PPP1R9B: variants seen among roughly 807,000 people sequenced by gnomAD.
The protein encoded by PPP1R9B is protein phosphatase 1 regulatory subunit 9B.
In PPP1R9B, 17 loss-of-function variants were observed where a neutral mutation model predicts 75.8. The ratio of observed to expected loss-of-function variants is 0.22; its 90% CI spans 0.15 to 0.34. PPP1R9B has a LOEUF of 0.34. PPP1R9B is among the 10% of genes least tolerant of loss of function. The pLI is 1.00. For missense variants in PPP1R9B, 875 were observed against 1,196.0 expected (o/e 0.73, Z 3.96); for synonymous variants, 509 against 535.4 (o/e 0.95, Z 0.68).
Position 50,149,209 on chromosome 17 carries a change from C to A in PPP1R9B, c.1305G>T (p.Pro435=). The A allele has an allele frequency of 6.2e-7, 1 of 1,605,186 alleles. No individual in the cohort carries two copies. The highest frequency in any genetic ancestry group is 8.5e-7 in the Non-Finnish European group (1 of 1,176,368). The change falls in exon 1 of 10, where the codon CCG becomes CCT. Residue 435 remains proline (P), a synonymous_variant. Transcript: ENST00000612501. The surrounding 1 kb of genome is among the most constrained non-coding windows in gnomAD (Gnocchi z 7.2). ...YEPESGCVEI[P]GLSEEEDPAP... Reference sequence around the variant, plus strand: ...CTGGGTCCTCCTCCTCCGACAGCCCCGGGATCTCCACGCACCCCGACTCGG... The same window carrying A: ...CTGGGTCCTCCTCCTCCGACAGCCCAGGGATCTCCACGCACCCCGACTCGG...
At position 50,135,453 on chromosome 17, in the gene PPP1R9B, C is replaced by T. The variant is rs369799567; in HGVS notation, c.2401-69G>A. The T allele has an allele frequency of 2.1e-5, 33 of 1,578,888 alleles. No individual in the cohort carries two copies. The East Asian group carries it at 3.1e-4, about 15-fold the overall frequency. ...CATGATCCCAGCCCCTTCCGCCCCC[C>T]GGTGAGGACATGGCATCCCCTCCCT... On this transcript the variant is annotated intron_variant, in intron 9 of 9. Coordinates refer to ENST00000612501, the MANE Select transcript of PPP1R9B (RefSeq NM_032595.5).
rs923727002 is a variant in PPP1R9B, at chr17:50,140,025, G to A, written c.1866+68C>T. On this transcript the variant is annotated intron_variant, in intron 5 of 9. Coordinates refer to ENST00000612501, the MANE Select transcript of PPP1R9B (RefSeq NM_032595.5). ...TAGGGCAGGGGAAGCAGTAGAGGCA[G>A]ATGACTGTAATGCTTCATCTAGCCA... 7 of 1,548,780 alleles carry A rather than the reference G, an allele frequency of 4.5e-6. No homozygotes were observed. In the African/African-American group the frequency reaches 6.8e-5, roughly 15 times the overall value.
At position 50,140,292 on chromosome 17, in the gene PPP1R9B, G is replaced by C. The variant is rs935466962; in HGVS notation, c.1731-64C>G. On this transcript the variant is annotated intron_variant, in intron 4 of 9. Transcript: ENST00000612501. ...AGCCAGGTAATGCATCATCCTCCCTGCTGATGCTCCCCTCTCCAAACTCAG... is the reference window on the plus strand; with the variant it reads ...AGCCAGGTAATGCATCATCCTCCCTCCTGATGCTCCCCTCTCCAAACTCAG... 4 of 1,532,404 alleles carry C rather than the reference G, an allele frequency of 2.6e-6. No homozygotes were observed. The Admixed American group carries it at 6.0e-5, about 23-fold the overall frequency. The allele number at this position is 1,532,404 out of a possible 1,614,324, so 94.9% of individuals were successfully genotyped here. A position where few individuals can be genotyped will look rare whatever the true frequency, so the allele number is the denominator to read the frequency against.
At chr17:50,145,610 G>A (rs1912494284) in intron 1 of PPP1R9B, among the ~76,000 whole-genome samples, 1 of 152,152 alleles carries the variant, frequency 6.6e-6, no homozygotes, top group African/African-American at 2.4e-5. Context: ...GACCCAGAGA[G>A]CCAGACAGGC....
At chr17:50,140,011 A>G (rs1339335065) in intron 5 of PPP1R9B, 82 bp downstream of exon 5, 11 of 1,468,670 alleles carry the variant, frequency 7.5e-6, no homozygotes, top group African/African-American at 1.4e-5. Flanking sequence ...AGGGCAGGGG[A>G]AGCAGTAGAG....
In PPP1R9B at chr17:50,150,456, G is replaced by T; in HGVS notation, c.58C>A (p.Arg20Ser). Residue 20 changes from arginine (R) to serine (S), a missense_variant, in exon 1 of 10, where the codon CGC becomes AGC. Physicochemically the swap from Arg to Ser is moderately radical, Grantham distance 110. Around this residue, in one of 4 missense-constraint regions of PPP1R9B, gnomAD observed 145 missense variants for 226.1 expected, o/e 0.64. Coordinates refer to ENST00000612501, the MANE Select transcript of PPP1R9B (RefSeq NM_032595.5). The surrounding 1 kb of genome is among the most constrained non-coding windows in gnomAD (Gnocchi z 8.7). Reference sequence around the variant, plus strand: ...TGGATGCCCGCCTCGTAGGCGCTGCGGTGCGGGGAGGCGCTCCGGAGGGGA... The same window carrying T: ...TGGATGCCCGCCTCGTAGGCGCTGCTGTGCGGGGAGGCGCTCCGGAGGGGA... The part of the protein sequence containing the change: ...GGPLRSASPH[R>S]SAYEAGIQAL... The T allele has an allele frequency of 1.4e-6, 2 of 1,387,794 alleles. No individual in the cohort carries two copies. Among genetic ancestry groups the T allele is most frequent in the Non-Finnish European group, 1.9e-6 (2 of 1,065,590 alleles). 86.0% of individuals were successfully genotyped at this position (1,387,794 alleles called of 1,614,324 possible).
Position 50,149,693 on chromosome 17 carries a change from G to A in PPP1R9B, c.821C>T (p.Ala274Val). Residue 274 changes from alanine (A) to valine (V), a missense_variant, in exon 1 of 10, where the codon GCA (alanine) becomes GTA (valine). Around this residue, in one of 4 missense-constraint regions of PPP1R9B, gnomAD observed 449 missense variants for 475.0 expected, o/e 0.95. Transcript: ENST00000612501. The surrounding 1 kb of genome is among the most constrained non-coding windows in gnomAD (Gnocchi z 7.2). ...DAPAEKERCP[A>V]GQQPPQHRVA... ...TCGGTGCTGCGGGGGCTGCTGCCCTGCGGGGCATCGCTCTTTCTCGGCCGG... is the reference window on the plus strand; with the variant it reads ...TCGGTGCTGCGGGGGCTGCTGCCCTACGGGGCATCGCTCTTTCTCGGCCGG... The A allele has an allele frequency of 1.4e-6, 2 of 1,428,842 alleles. No individual in the cohort carries two copies. The highest frequency in any genetic ancestry group is 1.5e-5 in the South Asian group (1 of 67,378). 88.5% of individuals were successfully genotyped at this position (1,428,842 alleles called of 1,614,324 possible).
intron 1 of PPP1R9B, among the ~76,000 whole-genome samples, chr17:50,148,118 G>T (rs1439342262): frequency 2.6e-5 from 4 of 152,032 alleles, no homozygotes; most frequent in Non-Finnish European, 1.5e-5. Context: ...GGTGGGAAGT[G>T]GGGGGAGGGG....
At chr17:50,140,059 C>G (rs757166534) in intron 5 of PPP1R9B, 34 bp downstream of exon 5, 1 of 1,606,956 alleles carries the variant, frequency 6.2e-7, no homozygotes, top group Non-Finnish European at 8.5e-7. Flanking sequence ...CACCAGGGGG[C>G]GACCACGCGG....
At chr17:50,140,676 A>C (rs1187871972) in intron 4 of PPP1R9B, among the ~76,000 whole-genome samples, 1 of 152,164 alleles carries the variant, frequency 6.6e-6, no homozygotes, top group Non-Finnish European at 1.5e-5. Flanking sequence ...GAGAGGAAAT[A>C]GTGGAACTTC....
rs570470998 is a variant in PPP1R9B, at chr17:50,135,213, G to C, written c.*118C>G. On this transcript the variant is annotated 3_prime_UTR_variant, in exon 10 of 10. Transcript: ENST00000612501. ...GCTGGGGGAGGTGGGGTGGAGGGGT[G>C]GGGGGAGTCGGGGCACCTGTCCCCA... 1.6e-5 allele frequency: 12 copies of C among 746,746 alleles called. No individual in the cohort carries two copies. Among genetic ancestry groups the C allele is most frequent in the East Asian group, 1.3e-4 (5 of 37,786 alleles). 46.3% of individuals were successfully genotyped at this position (746,746 alleles called of 1,614,324 possible).
intron 1 of PPP1R9B, among the ~76,000 whole-genome samples, chr17:50,146,993 T>C (rs144340873): frequency 0.015 from 2,312 of 152,116 alleles, 32 homozygotes; most frequent in Middle Eastern, 0.031. Context: ...CCTTCATCAT[T>C]GAGTCTCTAC....
At chr17:50,136,922 A>C (rs1287221378) in intron 7 of PPP1R9B, among the ~76,000 whole-genome samples, 1 of 151,960 alleles carries the variant, frequency 6.6e-6, no homozygotes, top group Non-Finnish European at 1.5e-5. Flanking sequence ...GCACAAACCT[A>C]TGCCTCCTTT....
rs750710223 is a variant in PPP1R9B at position 50,139,257 on chromosome 17, C to G, written c.2073+6G>C. ...CACGCAAAAGCACACACATACGCACCCTTACCTTTCTTTTCAGCTGCTGGA... is the reference window on the plus strand; with the variant it reads ...CACGCAAAAGCACACACATACGCACGCTTACCTTTCTTTTCAGCTGCTGGA... On this transcript the variant is annotated splice_donor_region_variant and intron_variant, in intron 7 of 9. Transcript: ENST00000612501. The surrounding 1 kb of genome is among the most constrained non-coding windows in gnomAD (Gnocchi z 5.0). 1.2e-6 allele frequency: 2 copies of G among 1,613,934 alleles called. No homozygotes were observed. Among genetic ancestry groups the G allele is most frequent in the African/African-American group, 2.7e-5 (2 of 74,948 alleles).
In PPP1R9B at chr17:50,135,596, G is replaced by A. The variant is rs768239734; in HGVS notation, c.2357C>T (p.Ser786Leu). ...CATCTCCTCCTTTCTGGCCAGCTCC[G>A]ACTCCTCCAGAACCCGACGCTGTGC... ...ETAQRRVLEESELARKEEMDK... is the reference protein window; with the variant it reads ...ETAQRRVLEELELARKEEMDK... The change falls in exon 9 of 10, where the codon TCG (serine) becomes TTG (leucine). Residue 786 changes from serine to leucine, a missense_variant. Around this residue, in one of 4 missense-constraint regions of PPP1R9B, gnomAD observed 218 missense variants for 334.6 expected, o/e 0.65. Coordinates refer to ENST00000612501, the MANE Select transcript of PPP1R9B (RefSeq NM_032595.5). The A allele has an allele frequency of 3.7e-6, 6 of 1,611,168 alleles. No homozygotes were observed. The highest frequency in any genetic ancestry group is 1.1e-5 in the South Asian group (1 of 90,582).
At position 50,150,147 on chromosome 17, in the gene PPP1R9B, G is replaced by T; in HGVS notation, c.367C>A (p.Arg123Ser). ...GAGGGCGCGGGCTTGGAGTCGAAGCGGCTCACGCGCTCCGACACGCTGGTG... is the reference window on the plus strand; with the variant it reads ...GAGGGCGCGGGCTTGGAGTCGAAGCTGCTCACGCGCTCCGACACGCTGGTG... ...LGTSVSERVS[R>S]FDSKPAPSAQ... Residue 123 changes from arginine to serine, a missense_variant, in exon 1 of 10, where the codon CGC (arginine) becomes AGC (serine). Arg to Ser is a moderately radical substitution (Grantham distance 110). Coordinates refer to ENST00000612501, the MANE Select transcript of PPP1R9B (RefSeq NM_032595.5). The surrounding 1 kb of genome is among the most constrained non-coding windows in gnomAD (Gnocchi z 8.7). 1 of 1,440,088 alleles carries T rather than the reference G, an allele frequency of 6.9e-7. No individual in the cohort carries two copies. The allele number at this position is 1,440,088 out of a possible 1,614,324, so 89.2% of individuals were successfully genotyped here. A position where few individuals can be genotyped will look rare whatever the true frequency, so the allele number is the denominator to read the frequency against.
At position 50,145,140 on chromosome 17, in the gene PPP1R9B, C is replaced by T. The variant is rs753351450; in HGVS notation, c.1477G>A (p.Glu493Lys). Residue 493 changes from glutamate (E) to lysine (K), a missense_variant, in exon 2 of 10, where the codon GAG becomes AAG. Transcript: ENST00000612501. ...YELEKRVERL[E>K]LFPVELEKDS... ...TTCTCCAGCTCCACAGGGAACAGCT[C>T]CAACCTCTCCACACGCTTCTCCAGC... The T allele has an allele frequency of 6.2e-7, 1 of 1,613,986 alleles. No individual in the cohort carries two copies. Among genetic ancestry groups the T allele is most frequent in the Non-Finnish European group, 8.5e-7 (1 of 1,179,884 alleles).
Position 50,140,151 on chromosome 17 carries a change from C to A in PPP1R9B, c.1808G>T (p.Arg603Leu). The A allele has an allele frequency of 6.2e-7, 1 of 1,613,008 alleles. No individual in the cohort carries two copies. Among genetic ancestry groups the A allele is most frequent in the Non-Finnish European group, 8.5e-7 (1 of 1,179,562 alleles). ...QLIQQTLEQE[R>L]WQREMMEQRY... Reference sequence around the variant, plus strand: ...CTGCTCCATCATCTCCCGCTGCCATCGCTCCTGTTCCAAAGTCTGCTGAAT... The same window carrying A: ...CTGCTCCATCATCTCCCGCTGCCATAGCTCCTGTTCCAAAGTCTGCTGAAT... The change falls in exon 5 of 10, where the codon CGA (arginine) becomes CTA (leucine). Residue 603 changes from arginine (R) to leucine (L), a missense_variant. This residue lies in a region of PPP1R9B where 218 missense variants were observed against 334.6 expected (regional missense o/e 0.65). Coordinates refer to ENST00000612501, the MANE Select transcript of PPP1R9B (RefSeq NM_032595.5).
Position 50,142,322 on chromosome 17 carries a change from C to A in PPP1R9B, c.1626-949G>T, listed in dbSNP as rs1364122345. 6.6e-6 allele frequency among the ~76,000 whole-genome samples: 1 copy of A among 152,178 alleles called. No individual in the cohort carries two copies. Among genetic ancestry groups the A allele is most frequent in the Admixed American group, 6.5e-5 (1 of 15,284 alleles). On this transcript the variant is annotated intron_variant, in intron 3 of 9. Transcript: ENST00000612501. The surrounding 1 kb of genome is among the most constrained non-coding windows in gnomAD (Gnocchi z 4.1). ...GGAGGAAATGGCCTATTGTCAACAG[C>A]TCACCCCAACACATGCCACTCCCAG... is the stretch of plus-strand genomic sequence containing the variant.
Sources: allele counts gnomAD v4.1 joint callset (sites outside exome capture counted in the v4.1 genomes callset), GRCh38; gene constraint gnomAD v4.1.1; regional missense constraint gnomAD v4.1.1; non-coding constraint Gnocchi (gnomAD v3.1); transcripts MANE v1.5; gene names NCBI Gene and HGNC (gene_info 2026-07-23, HGNC 2026-07-21).